NAV3: variants seen among roughly 807,000 people sequenced by gnomAD.
NAV3 encodes the protein neuron navigator 3, also known as pore membrane and/or filament interacting like protein 1.
Under a neutral mutation model 244.7 loss-of-function variants are expected in NAV3, and 87 were observed. That is an observed-to-expected ratio of 0.36 (90% CI 0.30 to 0.42). The LOEUF is 0.42. Ranked by LOEUF, NAV3 falls within the 20% of genes least tolerant of loss-of-function variation. The pLI, the probability that NAV3 is intolerant of heterozygous loss-of-function variation, is 1.00. For missense variants in NAV3, 2,663 were observed against 2,893.3 expected (o/e 0.92, Z 1.83); for synonymous variants, 1,126 against 1,042.2 (o/e 1.08, Z -1.55).
chr12:78,112,330 GC>G (rs1955139402), intron 12 of NAV3, among the ~76,000 whole-genome samples: 1 of 152,170 alleles, frequency 6.6e-6, no homozygotes, highest in South Asian at 2.1e-4. Context: ...GGGAATGTGA[GC>G]TTTTTATATC....
chr12:77,976,666 C>T (rs1242280), intron 5 of NAV3, among the ~76,000 whole-genome samples: 28,322 of 56,814 alleles, frequency 0.5, 5,344 homozygotes, highest in South Asian at 0.6. Context: ...TTCTTTCTTT[C>T]TTTTTTTCTT....
At chr12:77,674,595 G>A (rs1300211913) in intron 2 of NAV3, among the ~76,000 whole-genome samples, 2 of 151,840 alleles carry the variant, frequency 1.3e-5, no homozygotes, top group East Asian at 1.9e-4. Flanking sequence ...TCACCACATT[G>A]CCCAGGGTGA....
chr12:77,637,247 G>A (rs1872199609), intron 2 of NAV3, among the ~76,000 whole-genome samples: 1 of 151,934 alleles, frequency 6.6e-6, no homozygotes, highest in African/African-American at 2.4e-5. Flanking sequence ...ATGGTCCACA[G>A]CAAAAAATTG....
At chr12:77,780,702 A>G (rs374745708) in intron 2 of NAV3, among the ~76,000 whole-genome samples, 1 of 152,134 alleles carries the variant, frequency 6.6e-6, no homozygotes, top group African/African-American at 2.4e-5. Context: ...TTACAAAAAG[A>G]TGGTTCCCAG....
Position 78,212,658 on chromosome 12 carries a change from T to G in NAV3, c.*2141T>G, listed in dbSNP as rs1205807250. 2 of 152,630 alleles carry G rather than the reference T, an allele frequency of 1.3e-5. No homozygotes were observed. Among genetic ancestry groups the G allele is most frequent in the African/African-American group, 4.8e-5 (2 of 41,456 alleles). The allele number at this position is 152,630 out of a possible 1,614,324, so 9.5% of individuals were successfully genotyped here. ...CATTTTGAGAAACACAGTCCAAACA[T>G]GAGCATAAACAGAATTTCCTGCAAT... On this transcript the variant is annotated 3_prime_UTR_variant, in exon 40 of 40. Transcript: ENST00000397909.
At chr12:78,102,087 G>A (rs560116078) in intron 12 of NAV3, among the ~76,000 whole-genome samples, 117 of 152,120 alleles carry the variant, frequency 7.7e-4, no homozygotes, top group African/African-American at 2.7e-3. Flanking sequence ...AAGTTTTCAC[G>A]AAATGGTCTC....
intron 12 of NAV3, among the ~76,000 whole-genome samples, chr12:78,095,200 A>G (rs985318242): frequency 6.6e-6 from 1 of 151,930 alleles, no homozygotes; most frequent in Non-Finnish European, 1.5e-5. Flanking sequence ...CTTTGTCAGT[A>G]TACTACCACA....
At chr12:77,945,749 T>C (rs1211168486) in intron 3 of NAV3, among the ~76,000 whole-genome samples, 1 of 151,964 alleles carries the variant, frequency 6.6e-6, no homozygotes. Context: ...CTTTATTTAT[T>C]ATTATTATTA....
chr12:78,043,273 A>G (rs1454138101), intron 9 of NAV3, among the ~76,000 whole-genome samples: 1 of 152,072 alleles, frequency 6.6e-6, no homozygotes, highest in Non-Finnish European at 1.5e-5. Flanking sequence ...ATCCATTTTT[A>G]TGGTTGCATA....
At chr12:77,818,107 TCTTC>T (rs372783273) in intron 2 of NAV3, among the ~76,000 whole-genome samples, 1,724 of 152,250 alleles carry the variant, frequency 0.011, 21 homozygotes, top group South Asian at 0.022. Context: ...GGAAAGGATT[TCTTC>T]CTGATGAATA....
At chr12:78,191,397 AT>A (rs1958972599) in intron 34 of NAV3, among the ~76,000 whole-genome samples, 1 of 152,048 alleles carries the variant, frequency 6.6e-6, no homozygotes, top group African/African-American at 2.4e-5. Context: ...CCCAGTGAAG[AT>A]TTCTCTCACA....
intron 1 of NAV3, among the ~76,000 whole-genome samples, chr12:77,913,289 TATA>T (rs1834136015): frequency 6.6e-6 from 1 of 152,112 alleles, no homozygotes; most frequent in South Asian, 2.1e-4. Context: ...GCTATGATCA[TATA>T]ATACCTTTAT....
At chr12:77,729,177 G>A (rs188760575) in intron 2 of NAV3, among the ~76,000 whole-genome samples, 1 of 152,136 alleles carries the variant, frequency 6.6e-6, no homozygotes. Flanking sequence ...ATTTTTGACT[G>A]TGTAGGGGGT....
At chr12:77,577,434 A>C (rs1869144652) in intron 2 of NAV3, among the ~76,000 whole-genome samples, 1 of 152,130 alleles carries the variant, frequency 6.6e-6, no homozygotes, top group African/African-American at 2.4e-5. Flanking sequence ...CACATTTTTG[A>C]AGTATTTGGA....
intron 2 of NAV3, among the ~76,000 whole-genome samples, chr12:77,713,102 A>G (rs904660248): frequency 1.3e-5 from 2 of 152,162 alleles, no homozygotes; most frequent in Non-Finnish European, 2.9e-5. Context: ...GGCCCAAGAA[A>G]TGGCTTTTTC....
intron 1 of NAV3, among the ~76,000 whole-genome samples, chr12:77,915,002 A>G (rs1287959711): frequency 2.6e-5 from 4 of 152,006 alleles, no homozygotes; most frequent in African/African-American, 9.7e-5. Context: ...TACAAAATAC[A>G]TATTTAAGTG....
chr12:77,605,006 C>G (rs971242040), intron 2 of NAV3, among the ~76,000 whole-genome samples: 3 of 151,988 alleles, frequency 2.0e-5, no homozygotes, highest in African/African-American at 4.8e-5. Flanking sequence ...TTAAATCAAG[C>G]TTAAATTATG....
intron 2 of NAV3, among the ~76,000 whole-genome samples, chr12:77,675,968 A>G (rs1874186045): frequency 6.6e-6 from 1 of 151,830 alleles, no homozygotes; most frequent in Admixed American, 6.6e-5. Context: ...TCTGCTCTCT[A>G]CTGCATTTGG....
At chr12:77,586,822 C>G (rs1020616547) in intron 2 of NAV3, among the ~76,000 whole-genome samples, 1 of 152,096 alleles carries the variant, frequency 6.6e-6, no homozygotes, top group African/African-American at 2.4e-5. Flanking sequence ...TTGGACAGCA[C>G]ACATATAGAA....
Sources: gnomAD v4.1 joint callset for allele counts (sites outside exome capture counted in the v4.1 genomes callset) on GRCh38, gnomAD v4.1.1 for gene constraint, MANE v1.5 for transcripts, NCBI Gene and HGNC (gene_info 2026-07-23, HGNC 2026-07-21) for gene names.